Variants in RBFOX1 observed in about 807,000 individuals in gnomAD.
The protein encoded by RBFOX1 is RNA binding protein fox-1 homolog 1.
RBFOX1 carries 8 observed loss-of-function variants against 57.7 expected under a neutral mutation model. That is an observed-to-expected ratio of 0.14 (90% CI 0.08 to 0.25). RBFOX1 has a LOEUF of 0.25. Ranked by LOEUF, RBFOX1 falls within the 10% of genes least tolerant of loss-of-function variation. The pLI, the probability that RBFOX1 is intolerant of heterozygous loss-of-function variation, is 1.00. For missense variants in RBFOX1, 611 were observed against 548.5 expected, an observed-to-expected ratio of 1.11 and a Z score of -1.14; for synonymous variants, 326 against 222.4, an observed-to-expected ratio of 1.47 and a Z score of -4.15.
At chr16:6,135,787 T>G (rs1022801301) in intron 1 of RBFOX1, among the ~76,000 whole-genome samples, 3 of 117,764 alleles carry the variant, frequency 2.5e-5, no homozygotes, top group African/African-American at 8.2e-5. Flanking sequence ...CGTTTCGACT[T>G]TTTTTTTTTT....
intron 2 of RBFOX1, among the ~76,000 whole-genome samples, chr16:6,364,077 G>A (rs2089126980): frequency 6.6e-6 from 1 of 152,204 alleles, no homozygotes; most frequent in East Asian, 1.9e-4. Context: ...GCCATTGGAA[G>A]GGGAAGAAAG....
chr16:5,415,940 A>G (rs963117997), intron 1 of RBFOX1, among the ~76,000 whole-genome samples: 5 of 152,184 alleles, frequency 3.3e-5, no homozygotes, highest in African/African-American at 9.7e-5. Context: ...GTCCCTCTGC[A>G]TGTGTGTGGA....
intron 1 of RBFOX1, among the ~76,000 whole-genome samples, chr16:6,085,397 C>T (rs186811051): frequency 1.1e-4 from 16 of 152,268 alleles, no homozygotes; most frequent in African/African-American, 3.6e-4. Flanking sequence ...CTCAGCCTCC[C>T]GAGTAGCTGG....
chr16:7,550,542 G>C (rs1014845602), intron 5 of RBFOX1, among the ~76,000 whole-genome samples: 1 of 152,106 alleles, frequency 6.6e-6, no homozygotes, highest in African/African-American at 2.4e-5. Context: ...ACTCTACAGG[G>C]CATCTTATAT....
rs183033909 is a variant in RBFOX1, at chr16:5,440,783, C to G, written c.220-26433C>G. On this transcript the variant is annotated intron_variant, in intron 1 of 2. Transcript: ENST00000585867. Reference sequence around the variant, plus strand: ...AATTCAAGGGTAGTTATTTGAATTTCAACAACACAGAATGAGATTCTCATG... The same window carrying G: ...AATTCAAGGGTAGTTATTTGAATTTGAACAACACAGAATGAGATTCTCATG... Among the ~76,000 whole-genome samples the G allele has an allele frequency of 2.0e-4, 31 of 152,240 alleles. No individual in the cohort carries two copies. The East Asian group carries it at 2.3e-3, about 11-fold the overall frequency.
intron 3 of RBFOX1, among the ~76,000 whole-genome samples, chr16:6,909,247 C>G (rs1400297756): frequency 6.6e-6 from 1 of 152,144 alleles, no homozygotes; most frequent in Non-Finnish European, 1.5e-5. Flanking sequence ...GCTCATGGCC[C>G]TTTTCATCTT....
At chr16:5,340,662 A>G (rs1316926540) in intron 1 of RBFOX1, among the ~76,000 whole-genome samples, 3 of 152,274 alleles carry the variant, frequency 2.0e-5, no homozygotes, top group Admixed American at 2.0e-4. Context: ...AATATAAATC[A>G]AGGCATATAG....
rs868029588 is a variant in RBFOX1 at position 7,449,727 on chromosome 16, T to G, written c.28-68420T>G. Among the ~76,000 whole-genome samples the G allele has an allele frequency of 1.7e-3, 113 of 64,918 alleles. 1 individual carries two copies. The highest frequency in any genetic ancestry group is 3.6e-3 in the South Asian group (5 of 1,388). The allele number at this position is 64,918 out of a possible 152,430, so 42.6% of individuals were successfully genotyped here. A position where few individuals can be genotyped will look rare whatever the true frequency, so the allele number is the denominator to read the frequency against. ...AAAGAAACATGTATGTGTGTGTGTG[T>G]GTGGGGGGGGGGGGTTGTTTTGTTT... On this transcript the variant is annotated intron_variant, in intron 4 of 15. Coordinates refer to ENST00000550418, the MANE Select transcript of RBFOX1 (RefSeq NM_018723.4).
intron 9 of RBFOX1, among the ~76,000 whole-genome samples, chr16:7,601,963 C>T (rs2095047826): frequency 2.0e-5 from 3 of 152,144 alleles, no homozygotes; most frequent in Admixed American, 2.0e-4. Context: ...TGAGAGTTGC[C>T]ACCTGTACCA....
At chr16:7,158,018 C>T (rs952240557) in intron 4 of RBFOX1, among the ~76,000 whole-genome samples, 2 of 152,074 alleles carry the variant, frequency 1.3e-5, no homozygotes, top group Non-Finnish European at 2.9e-5. Flanking sequence ...TTCTATGTAG[C>T]TTTTACTCAG....
At chr16:5,398,310 T>A (rs1397933079) in intron 1 of RBFOX1, among the ~76,000 whole-genome samples, 1 of 152,052 alleles carries the variant, frequency 6.6e-6, no homozygotes, top group Non-Finnish European at 1.5e-5. Context: ...TGTGTGTGCA[T>A]GTGTGCTCGT....
intron 1 of RBFOX1, among the ~76,000 whole-genome samples, chr16:6,197,452 C>T (rs1300351750): frequency 6.6e-6 from 1 of 152,106 alleles, no homozygotes; most frequent in Non-Finnish European, 1.5e-5. Context: ...TGCAAGCCAA[C>T]ACTGGGTTGC....
chr16:5,804,391 T>C (rs1292218108), intron 3 of RBFOX1, among the ~76,000 whole-genome samples: 1 of 152,194 alleles, frequency 6.6e-6, no homozygotes, highest in African/African-American at 2.4e-5. Flanking sequence ...AGAGTTTTTG[T>C]CTGTAATCCA....
intron 12 of RBFOX1, among the ~76,000 whole-genome samples, chr16:7,658,275 G>C (rs1020676684): frequency 1.3e-5 from 2 of 152,102 alleles, no homozygotes; most frequent in Non-Finnish European, 2.9e-5. Flanking sequence ...ATCTTTGCTA[G>C]GGGGCACTTG....
chr16:7,045,295 G>A (rs1396248649), intron 3 of RBFOX1, among the ~76,000 whole-genome samples: 1 of 152,132 alleles, frequency 6.6e-6, no homozygotes, highest in African/African-American at 2.4e-5. Flanking sequence ...AAAGAAGCAG[G>A]ATATTGTCAC....
At chr16:7,459,823 C>T (rs972740151) in intron 4 of RBFOX1, among the ~76,000 whole-genome samples, 7 of 152,092 alleles carry the variant, frequency 4.6e-5, no homozygotes, top group Middle Eastern at 3.2e-3. Flanking sequence ...TAGATGCTTA[C>T]GGGCCACCAT....
At chr16:6,351,308 A>AAT (rs1258528345) in intron 2 of RBFOX1, among the ~76,000 whole-genome samples, 14 of 146,392 alleles carry the variant, frequency 9.6e-5, no homozygotes, top group Admixed American at 1.4e-4. Context: ...GTATACATAA[A>AAT]ATATATATAT....
At chr16:6,689,749 A>G (rs2059941699) in intron 3 of RBFOX1, among the ~76,000 whole-genome samples, 1 of 152,240 alleles carries the variant, frequency 6.6e-6, no homozygotes, top group Non-Finnish European at 1.5e-5. Context: ...ACAACATGGA[A>G]ATAAACAGAG....
At chr16:7,058,210 T>C (rs1481306041) in intron 4 of RBFOX1, among the ~76,000 whole-genome samples, 1 of 152,110 alleles carries the variant, frequency 6.6e-6, no homozygotes, top group Non-Finnish European at 1.5e-5. Flanking sequence ...AAAGGGGGAA[T>C]CACTTAGAAA....
Sources: gnomAD v4.1 joint callset for allele counts (sites outside exome capture counted in the v4.1 genomes callset) on GRCh38, gnomAD v4.1.1 for gene constraint, MANE v1.5 for transcripts, NCBI Gene and HGNC (gene_info 2026-07-23, HGNC 2026-07-21) for gene names.